The following ARHGAP24 variants were observed in gnomAD, a reference collection of about 807,000 sequenced individuals.
ARHGAP24 encodes the protein rho GTPase-activating protein 24.
Under a neutral mutation model 76.4 loss-of-function variants are expected in ARHGAP24, and 50 were observed. The observed-to-expected ratio is 0.65, with a 90% confidence interval of 0.52 to 0.83. The LOEUF (loss-of-function observed/expected upper bound fraction) is 0.83, where lower values mean the gene tolerates loss of function less well. ARHGAP24 is among the 40% of genes least tolerant of loss of function. The pLI, the probability that ARHGAP24 is intolerant of heterozygous loss-of-function variation, is 0.00. For missense variants in ARHGAP24, 930 were observed against 914.2 expected (o/e 1.02, Z -0.22); for synonymous variants, 345 against 323.3 (o/e 1.07, Z -0.72).
chr4:85,814,079 T>C lies in ARHGAP24; in HGVS notation c.268+92107T>C, dbSNP rs1729131242. Among the ~76,000 whole-genome samples, 8 of 152,026 alleles carry C rather than the reference T, an allele frequency of 5.3e-5. No homozygotes were observed. The South Asian group carries it at 1.7e-3, about 32-fold the overall frequency. On this transcript the variant is annotated intron_variant, in intron 3 of 9. Coordinates refer to ENST00000395184, the MANE Select transcript of ARHGAP24 (RefSeq NM_001025616.3). ...AAACCATCAGATCTCATGAGACTTA[T>C]TCACTACCATGAGAACAGCATGGGG...
intron 1 of ARHGAP24, among the ~76,000 whole-genome samples, chr4:85,525,514 T>C (rs1724952929): frequency 6.6e-6 from 1 of 152,086 alleles, no homozygotes; most frequent in African/African-American, 2.4e-5. Flanking sequence ...GGAAAGTCAC[T>C]AATTTTTCAG....
chr4:85,795,562 G>T (rs2110099142), intron 3 of ARHGAP24, among the ~76,000 whole-genome samples: 1 of 152,218 alleles, frequency 6.6e-6, no homozygotes, highest in South Asian at 2.1e-4. Flanking sequence ...GGTCCTTCTT[G>T]TATTTTGGCA....
intron 3 of ARHGAP24, among the ~76,000 whole-genome samples, chr4:85,878,754 C>G (rs944306408): frequency 1.3e-5 from 2 of 152,160 alleles, no homozygotes. Flanking sequence ...ATTCTTGAAG[C>G]TCCTCCAGTT....
intron 5 of ARHGAP24, among the ~76,000 whole-genome samples, chr4:85,945,415 G>A (rs1737193188): frequency 6.6e-6 from 1 of 151,664 alleles, no homozygotes; most frequent in South Asian, 2.1e-4. Flanking sequence ...AGAATAAATA[G>A]TGCAACGAGT....
chr4:85,645,504 T>G (rs546206354), intron 2 of ARHGAP24, among the ~76,000 whole-genome samples: 12 of 152,064 alleles, frequency 7.9e-5, no homozygotes, highest in Non-Finnish European at 2.9e-5. Context: ...TGAAGAGATA[T>G]CTTTGTACTA....
intron 1 of ARHGAP24, among the ~76,000 whole-genome samples, chr4:85,564,262 A>G (rs1452785822): frequency 1.3e-5 from 2 of 152,152 alleles, no homozygotes; most frequent in Non-Finnish European, 1.5e-5. Context: ...TAAAAAGGAC[A>G]TGAACTCATC....
At chr4:85,614,823 T>C (rs1720495175) in intron 2 of ARHGAP24, among the ~76,000 whole-genome samples, 1 of 152,114 alleles carries the variant, frequency 6.6e-6, no homozygotes, top group Non-Finnish European at 1.5e-5. Flanking sequence ...TCATCCTATA[T>C]AACCCTGACA....
chr4:85,682,868 G>A (rs1383143053), intron 2 of ARHGAP24, among the ~76,000 whole-genome samples: 2 of 152,088 alleles, frequency 1.3e-5, no homozygotes, highest in African/African-American at 2.4e-5. Flanking sequence ...CACTAAGGTA[G>A]CCAATATACC....
At chr4:85,964,448 C>T (rs1247740888) in intron 5 of ARHGAP24, among the ~76,000 whole-genome samples, 1 of 152,050 alleles carries the variant, frequency 6.6e-6, no homozygotes, top group Non-Finnish European at 1.5e-5. Flanking sequence ...AGTCTTGTAG[C>T]AAAGTGATAG....
chr4:85,911,867 T>G (rs1735106266), intron 3 of ARHGAP24, among the ~76,000 whole-genome samples: 1 of 152,202 alleles, frequency 6.6e-6, no homozygotes, highest in Non-Finnish European at 1.5e-5. Flanking sequence ...ATACAAGCAT[T>G]TGTATTAAGA....
In ARHGAP24 at chr4:85,605,873, A is replaced by G. The variant is rs547343956; in HGVS notation, c.180+35152A>G. On this transcript the variant is annotated intron_variant, in intron 2 of 9. Coordinates refer to ENST00000395184, the MANE Select transcript of ARHGAP24 (RefSeq NM_001025616.3). ...GTACATCTCAGTCTGAAAAGGTTACAGGGAACAATAGGGTTGGAGGTGTGT... is the reference window on the plus strand; with the variant it reads ...GTACATCTCAGTCTGAAAAGGTTACGGGGAACAATAGGGTTGGAGGTGTGT... 2.8e-4 allele frequency among the ~76,000 whole-genome samples: 42 copies of G among 152,346 alleles called. 1 individual carries two copies. The South Asian group carries it at 7.2e-3, about 26-fold the overall frequency.
At chr4:85,494,081 A>G (rs1723462270) in intron 1 of ARHGAP24, among the ~76,000 whole-genome samples, 1 of 152,190 alleles carries the variant, frequency 6.6e-6, no homozygotes, top group Admixed American at 6.5e-5. Flanking sequence ...GTATTTTTTA[A>G]TAGACTGATT....
At chr4:85,532,705 T>C (rs903636041) in intron 1 of ARHGAP24, among the ~76,000 whole-genome samples, 1 of 152,204 alleles carries the variant, frequency 6.6e-6, no homozygotes, top group Admixed American at 6.5e-5. Context: ...TTTACCAGTT[T>C]ATTATTTACC....
chr4:85,513,270 G>C (rs991649659), intron 1 of ARHGAP24, among the ~76,000 whole-genome samples: 4 of 152,204 alleles, frequency 2.6e-5, no homozygotes, highest in African/African-American at 9.7e-5. Flanking sequence ...GGACACCTGG[G>C]GTGGGGAAGA....
At chr4:85,516,940 T>C (rs1437692307) in intron 1 of ARHGAP24, among the ~76,000 whole-genome samples, 1 of 152,216 alleles carries the variant, frequency 6.6e-6, no homozygotes, top group East Asian at 1.9e-4. Flanking sequence ...ATTTGTAGTT[T>C]ACTCTGGTAT....
chr4:85,601,964 T>C (rs1720041385), intron 2 of ARHGAP24, among the ~76,000 whole-genome samples: 1 of 152,106 alleles, frequency 6.6e-6, no homozygotes, highest in South Asian at 2.1e-4. Context: ...CTGGTTCAAC[T>C]GCAGTCATTA....
intron 1 of ARHGAP24, among the ~76,000 whole-genome samples, chr4:85,549,741 T>C (rs1000133897): frequency 1.3e-5 from 2 of 152,336 alleles, no homozygotes; most frequent in African/African-American, 2.4e-5. Context: ...AGGTAGTTTT[T>C]TGATCCTTAT....
intron 3 of ARHGAP24, among the ~76,000 whole-genome samples, chr4:85,777,855 G>T (rs1366993618): frequency 6.6e-6 from 1 of 152,086 alleles, no homozygotes; most frequent in East Asian, 1.9e-4. Flanking sequence ...CTTTCAGTTA[G>T]AAAAACATAA....
intron 3 of ARHGAP24, among the ~76,000 whole-genome samples, chr4:85,817,277 T>C (rs1193391320): frequency 6.6e-6 from 1 of 152,230 alleles, no homozygotes; most frequent in East Asian, 1.9e-4. Flanking sequence ...TAATTCCATT[T>C]ATCTATTTTG....
Sources: allele counts gnomAD v4.1 joint callset (sites outside exome capture counted in the v4.1 genomes callset), GRCh38; gene constraint gnomAD v4.1.1; transcripts MANE v1.5; gene names NCBI Gene and HGNC (gene_info 2026-07-23, HGNC 2026-07-21).